Variants in GALNT18 observed in about 807,000 individuals in gnomAD.
GALNT18 encodes polypeptide N-acetylgalactosaminyltransferase 18.
In GALNT18, 44 loss-of-function variants were observed where a neutral mutation model predicts 69.5. That is an observed-to-expected ratio of 0.63 (90% CI 0.50 to 0.81). GALNT18 has a LOEUF of 0.81. GALNT18 is among the 40% of genes least tolerant of loss of function. GALNT18 has a pLI of 0.00. For synonymous variants in GALNT18, 364 were observed against 318.2 expected, an observed-to-expected ratio of 1.14 and a Z score of -1.53; for missense variants, 715 against 810.0, an observed-to-expected ratio of 0.88 and a Z score of 1.42.
At chr11:11,508,731 T>G (rs970669143) in intron 1 of GALNT18, among the ~76,000 whole-genome samples, 22 of 152,240 alleles carry the variant, frequency 1.4e-4, no homozygotes, top group African/African-American at 5.3e-4. Context: ...TTGGCACTTT[T>G]TTCCTATAGA....
At chr11:11,274,960 G>C (rs938248487) in intron 10 of GALNT18, among the ~76,000 whole-genome samples, 1 of 152,194 alleles carries the variant, frequency 6.6e-6, no homozygotes, top group African/African-American at 2.4e-5. Flanking sequence ...ATGGATATTT[G>C]GGTTGGTTCC....
At chr11:11,525,939 T>A (rs1857513449) in intron 1 of GALNT18, among the ~76,000 whole-genome samples, 1 of 152,138 alleles carries the variant, frequency 6.6e-6, no homozygotes, top group Non-Finnish European at 1.5e-5. Context: ...CGGCCACGCA[T>A]ATCACATTTG....
intron 6 of GALNT18, among the ~76,000 whole-genome samples, chr11:11,344,341 A>G (rs920891015): frequency 3.3e-5 from 5 of 152,124 alleles, no homozygotes; most frequent in Non-Finnish European, 7.3e-5. Flanking sequence ...TCCAAGCCTC[A>G]GTTCACTGTC....
chr11:11,522,378 G>A (rs1168319317), intron 1 of GALNT18, among the ~76,000 whole-genome samples: 1 of 152,198 alleles, frequency 6.6e-6, no homozygotes, highest in Admixed American at 6.5e-5. Context: ...GAACGGGAAT[G>A]GGGCCAGGCT....
chr11:11,294,354 A>G (rs1360923318), intron 9 of GALNT18, among the ~76,000 whole-genome samples: 1 of 152,192 alleles, frequency 6.6e-6, no homozygotes, highest in Non-Finnish European at 1.5e-5. Flanking sequence ...CCTGGTATGC[A>G]CCAAAATCCC....
At chr11:11,571,721 A>T (rs1858797322) in intron 1 of GALNT18, among the ~76,000 whole-genome samples, 1 of 152,182 alleles carries the variant, frequency 6.6e-6, no homozygotes, top group Non-Finnish European at 1.5e-5. Flanking sequence ...TTCTCCACAA[A>T]TCCCATAACA....
chr11:11,429,090 A>G (rs982253771), intron 3 of GALNT18, among the ~76,000 whole-genome samples: 11 of 152,266 alleles, frequency 7.2e-5, no homozygotes, highest in African/African-American at 2.6e-4. Flanking sequence ...TCTGGCTTCG[A>G]CAGCCCCCAT....
chr11:11,294,769 A>T (rs1849366365), intron 9 of GALNT18, among the ~76,000 whole-genome samples: 1 of 152,156 alleles, frequency 6.6e-6, no homozygotes, highest in African/African-American at 2.4e-5. Context: ...GCCCTGAGCC[A>T]TGGTTCCCAG....
At position 11,283,102 on chromosome 11, in the gene GALNT18, T is replaced by TCC. The variant is rs550531580; in HGVS notation, c.1677+9925_1677+9926dup. Among the ~76,000 whole-genome samples the TCC allele has an allele frequency of 2.0e-3, 307 of 151,990 alleles. 6 individuals are homozygous for TCC. Among genetic ancestry groups the TCC allele is most frequent in the Admixed American group, 0.018 (275 of 15,274 alleles). On this transcript the variant is annotated intron_variant, in intron 10 of 10. Transcript: ENST00000227756. ...TTGGGGTTAGTGGGAGGAGATGAGG[T>TCC]CCAAGAGGTGCGGGTAAGTGGATAG...
intron 6 of GALNT18, among the ~76,000 whole-genome samples, chr11:11,343,378 TA>T (rs1311355706): frequency 4.0e-5 from 6 of 151,094 alleles, no homozygotes; most frequent in Admixed American, 6.6e-5. Context: ...AAAATAATAA[TA>T]AAAAAAAGGA....
chr11:11,434,645 T>C (rs1437815331), intron 2 of GALNT18, among the ~76,000 whole-genome samples: 1 of 151,882 alleles, frequency 6.6e-6, no homozygotes, highest in East Asian at 1.9e-4. Context: ...CAAAAGTGAG[T>C]CGTGCAAGGG....
At chr11:11,426,749 G>A (rs750086449) in intron 3 of GALNT18, among the ~76,000 whole-genome samples, 1 of 152,086 alleles carries the variant, frequency 6.6e-6, no homozygotes, top group African/African-American at 2.4e-5. Flanking sequence ...CCCTTTAAAC[G>A]GAGTGATTCA....
chr11:11,567,107 G>A (rs1858673566), intron 1 of GALNT18, among the ~76,000 whole-genome samples: 1 of 152,160 alleles, frequency 6.6e-6, no homozygotes, highest in African/African-American at 2.4e-5. Context: ...TTTCCTGCAG[G>A]AGGTAGACTC....
chr11:11,594,900 A>G (rs1859458980), intron 1 of GALNT18, among the ~76,000 whole-genome samples: 1 of 137,444 alleles, frequency 7.3e-6, no homozygotes, highest in African/African-American at 2.6e-5. Context: ...ACATATACAC[A>G]CAGATACAAA....
intron 9 of GALNT18, among the ~76,000 whole-genome samples, chr11:11,294,656 A>T (rs1004565649): frequency 1.3e-5 from 2 of 151,648 alleles, no homozygotes; most frequent in Non-Finnish European, 2.9e-5. Flanking sequence ...TCATTAACAC[A>T]TCATTTACAA....
Position 11,320,355 on chromosome 11 carries a change from G to A in GALNT18, c.1512+6731C>T, listed in dbSNP as rs1012258130. 3.3e-5 allele frequency among the ~76,000 whole-genome samples: 5 copies of A among 152,168 alleles called. No homozygotes were observed. The highest frequency in any genetic ancestry group is 1.2e-4 in the African/African-American group (5 of 41,428). On this transcript the variant is annotated intron_variant, in intron 9 of 10. Transcript: ENST00000227756. This position sits in a 1 kb window ranked among gnomAD's most constrained non-coding sequence, Gnocchi z 4.9. ...TTGTACAGTGCACAACCTGCACAATGGCATGTGACAGTTCCATCCGTGCAT... is the reference window on the plus strand; with the variant it reads ...TTGTACAGTGCACAACCTGCACAATAGCATGTGACAGTTCCATCCGTGCAT...
intron 1 of GALNT18, among the ~76,000 whole-genome samples, chr11:11,460,236 A>C (rs1856010690): frequency 6.6e-6 from 1 of 152,208 alleles, no homozygotes; most frequent in African/African-American, 2.4e-5. Flanking sequence ...TAGGATGTGT[A>C]CATCTTTGAG....
At chr11:11,423,576 C>T (rs551829455) in intron 3 of GALNT18, among the ~76,000 whole-genome samples, 3 of 152,350 alleles carry the variant, frequency 2.0e-5, no homozygotes, top group African/African-American at 7.2e-5. Flanking sequence ...GACACAGACA[C>T]ACCCTTCTCT....
At chr11:11,378,723 G>GCT (rs1374780288) in intron 4 of GALNT18, among the ~76,000 whole-genome samples, 1 of 152,166 alleles carries the variant, frequency 6.6e-6, no homozygotes, top group East Asian at 1.9e-4. Flanking sequence ...GTCTGGCCCA[G>GCT]CTCTCCTTTC....
Sources: gnomAD v4.1 joint callset for allele counts (sites outside exome capture counted in the v4.1 genomes callset) on GRCh38, gnomAD v4.1.1 for gene constraint, Gnocchi (gnomAD v3.1) non-coding constraint, MANE v1.5 for transcripts, NCBI Gene and HGNC (gene_info 2026-07-23, HGNC 2026-07-21) for gene names.